DISC1: variants seen among roughly 807,000 people sequenced by gnomAD.
The protein encoded by DISC1 is disrupted in schizophrenia 1 protein.
Under a neutral mutation model 84.5 loss-of-function variants are expected in DISC1, and 57 were observed. The observed-to-expected ratio is 0.67, with a 90% CI of 0.55 to 0.84. The LOEUF is 0.84. Among genes scored for constraint, DISC1 ranks in the 40% least tolerant of loss-of-function variants. DISC1 has a pLI of 0.00. For missense variants in DISC1, 1,000 were observed against 1,057.8 expected (o/e 0.95, Z 0.76); for synonymous variants, 411 against 415.2 (o/e 0.99, Z 0.12).
In DISC1 at chr1:231,750,060, C is replaced by T. The variant is rs777900755; in HGVS notation, c.1252C>T (p.Arg418Cys). ...LAAQVQAALRRGATQQASGDD... is the reference protein window; with the variant it reads ...LAAQVQAALRCGATQQASGDD... ...AGCACAAGTCCAGGCTGCCTTGCGC[C>T]GTGGGGCCACTCAGCAGTGAGTACT... Residue 418 changes from arginine (R) to cysteine (C), a missense_variant, in exon 4 of 13, where the codon CGT (arginine) becomes TGT (cysteine). Coordinates refer to ENST00000439617, the MANE Select transcript of DISC1 (RefSeq NM_018662.3). The T allele has an allele frequency of 9.3e-6, 15 of 1,613,898 alleles. No individual in the cohort carries two copies. The highest frequency in any genetic ancestry group is 8.3e-5 in the Admixed American group (5 of 59,986).
chr1:231,798,771 C>T (rs192780513), intron 7 of DISC1, among the ~76,000 whole-genome samples: 1 of 152,184 alleles, frequency 6.6e-6, no homozygotes, highest in East Asian at 1.9e-4. Context: ...CGTCTTCATC[C>T]AGAGAATGAT....
intron 9 of DISC1, among the ~76,000 whole-genome samples, chr1:231,874,298 C>T (rs937683954): frequency 2.6e-5 from 4 of 151,986 alleles, no homozygotes; most frequent in African/African-American, 7.2e-5. Flanking sequence ...GCTGGGACTA[C>T]AGGCGCACAC....
chr1:231,827,318 T>C (rs867671115), intron 9 of DISC1, among the ~76,000 whole-genome samples: 2 of 152,190 alleles, frequency 1.3e-5, no homozygotes, highest in South Asian at 2.1e-4. Flanking sequence ...TTATATAATT[T>C]AGGATTTTCA....
At chr1:231,822,043 G>A (rs1355585151) in intron 9 of DISC1, among the ~76,000 whole-genome samples, 1 of 152,060 alleles carries the variant, frequency 6.6e-6, no homozygotes, top group Non-Finnish European at 1.5e-5. Flanking sequence ...TCAGATTTAC[G>A]CAGCAGTTTT....
chr1:231,748,057 A>G (rs1315259004), intron 3 of DISC1, among the ~76,000 whole-genome samples: 1 of 152,198 alleles, frequency 6.6e-6, no homozygotes, highest in African/African-American at 2.4e-5. Flanking sequence ...ATGTATAGAA[A>G]TGCCACTGGT....
At chr1:231,823,573 G>A (rs2081648765) in intron 9 of DISC1, among the ~76,000 whole-genome samples, 1 of 152,198 alleles carries the variant, frequency 6.6e-6, no homozygotes, top group South Asian at 2.1e-4. Flanking sequence ...TCTCTTGAAA[G>A]CATAGTGGAA....
chr1:231,712,148 C>T (rs2067952068), intron 3 of DISC1, among the ~76,000 whole-genome samples: 1 of 152,120 alleles, frequency 6.6e-6, no homozygotes, highest in African/African-American at 2.4e-5. Context: ...CTGGAAGAGA[C>T]AAGGACAGGA....
intron 10 of DISC1, among the ~76,000 whole-genome samples, chr1:231,994,640 A>G (rs751648022): frequency 6.6e-6 from 1 of 152,330 alleles, no homozygotes; most frequent in South Asian, 2.1e-4. Context: ...GCACCTGACC[A>G]AAAATTATTA....
chr1:231,949,004 G>T (rs1657822442), intron 9 of DISC1, among the ~76,000 whole-genome samples: 1 of 151,692 alleles, frequency 6.6e-6, no homozygotes, highest in South Asian at 2.1e-4. Context: ...TGAGTAGCTG[G>T]CATTACAGGT....
In DISC1 at chr1:231,683,819, G is replaced by T. The variant is rs962166409; in HGVS notation, c.68-10007G>T. On this transcript the variant is annotated intron_variant, in intron 1 of 12. Coordinates refer to ENST00000439617, the MANE Select transcript of DISC1 (RefSeq NM_018662.3). ...TCGGTCCCCACCTGGAAGCCACCCT[G>T]GGCCTATTCCCATCCTGTCTTCTGC... Among the ~76,000 whole-genome samples, 43 of 152,008 alleles carry T rather than the reference G, an allele frequency of 2.8e-4. 1 individual carries two copies. Among genetic ancestry groups the T allele is most frequent in the African/African-American group, 9.2e-4 (38 of 41,432 alleles).
rs1418027710 is a variant in DISC1, at chr1:232,041,228, C to A, written c.*4397C>A. 1 of 152,104 alleles carries A rather than the reference C, an allele frequency of 6.6e-6. No individual in the cohort carries two copies. The highest frequency in any genetic ancestry group is 1.5e-5 in the Non-Finnish European group (1 of 68,030). 9.4% of individuals were successfully genotyped at this position (152,104 alleles called of 1,614,324 possible). A position where few individuals can be genotyped will look rare whatever the true frequency, so the allele number is the denominator to read the frequency against. On this transcript the variant is annotated 3_prime_UTR_variant, in exon 13 of 13. Coordinates refer to ENST00000439617, the MANE Select transcript of DISC1 (RefSeq NM_018662.3). ...TTCTGTTACAGGATGATTAATTGTA[C>A]AGTTACATCACACGAAACATTTATA...
chr1:231,764,778 A>T (rs527661407), intron 4 of DISC1, among the ~76,000 whole-genome samples: 17 of 152,350 alleles, frequency 1.1e-4, no homozygotes, highest in African/African-American at 3.8e-4. Flanking sequence ...GTTATATTTA[A>T]TTTTAAGTCT....
intron 10 of DISC1, among the ~76,000 whole-genome samples, chr1:231,970,602 TA>T (rs1661807977): frequency 1.3e-5 from 2 of 152,186 alleles, no homozygotes; most frequent in Admixed American, 1.3e-4. Context: ...ATTCAACACT[TA>T]ATCAAATGCG....
At chr1:231,948,127 A>G (rs1335941673) in intron 9 of DISC1, among the ~76,000 whole-genome samples, 1 of 152,194 alleles carries the variant, frequency 6.6e-6, no homozygotes, top group Admixed American at 6.5e-5. Flanking sequence ...TTGTACTATA[A>G]TCATTCTATG....
At chr1:231,767,044 G>A in intron 4 of DISC1, 96 bp from the exon 5 acceptor site, 1 of 1,534,692 alleles carries the variant, frequency 6.5e-7, no homozygotes, top group East Asian at 2.3e-5. Flanking sequence ...GAACAGATGG[G>A]GGCCACTTGC....
intron 10 of DISC1, among the ~76,000 whole-genome samples, chr1:231,972,931 T>C (rs199554602): frequency 6.6e-6 from 1 of 152,194 alleles, no homozygotes; most frequent in Non-Finnish European, 1.5e-5. Flanking sequence ...CCCGTAATAT[T>C]GGGCTGCGTC....
At chr1:232,006,877 A>G (rs955056602) in intron 10 of DISC1, among the ~76,000 whole-genome samples, 2 of 152,146 alleles carry the variant, frequency 1.3e-5, no homozygotes, top group Non-Finnish European at 2.9e-5. Flanking sequence ...ATGGTTTTGT[A>G]GGCTGTGCCC....
chr1:232,021,333 T>TACACACACACACAC (rs36231584), intron 11 of DISC1, among the ~76,000 whole-genome samples: 31 of 148,132 alleles, frequency 2.1e-4, no homozygotes, highest in Non-Finnish European at 3.7e-4. Flanking sequence ...ACTTGTTCTA[T>TACACACACACACAC]ACACACACAC....
At chr1:231,636,660 CCT>C (rs2059227235) in intron 1 of DISC1, among the ~76,000 whole-genome samples, 1 of 151,850 alleles carries the variant, frequency 6.6e-6, no homozygotes, top group African/African-American at 2.4e-5. Context: ...TGTTATTACC[CCT>C]GTTTCTGCCA....
Sources: allele counts gnomAD v4.1 joint callset (sites outside exome capture counted in the v4.1 genomes callset), GRCh38; gene constraint gnomAD v4.1.1; transcripts MANE v1.5; gene names NCBI Gene and HGNC (gene_info 2026-07-23, HGNC 2026-07-21).